The following DMAC2 variants were observed in gnomAD, a reference collection of about 807,000 sequenced individuals.
DMAC2 encodes distal membrane-arm assembly complex protein 2.
In DMAC2, 32 loss-of-function variants were observed where a neutral mutation model predicts 29.6. That is an observed-to-expected ratio of 1.08 (90% CI 0.81 to 1.45). The LOEUF (loss-of-function observed/expected upper bound fraction) is 1.45, where lower values mean the gene tolerates loss of function less well. Ranked by LOEUF, DMAC2 falls within the 40% of genes most tolerant of loss-of-function variation. The probability of loss-of-function intolerance (pLI) is 0.00; values close to 1 mark genes in which losing one functional copy is unlikely to be tolerated. For missense variants in DMAC2, 319 were observed against 340.0 expected (o/e 0.94, Z 0.49); for synonymous variants, 133 against 137.4 (o/e 0.97, Z 0.23).
chr19:41,436,473 C>A lies in DMAC2; in HGVS notation c.216-1G>T. ...TTGCTTCTCCAGCCAGGTGTAAGAT[C>A]TGCAGAGAAAATGGTAGCTAAGGGT... On this transcript the variant is annotated splice_acceptor_variant, in intron 2 of 5. Transcript: ENST00000221943. LOFTEE classifies it high-confidence loss of function. The A allele has an allele frequency of 1.2e-6, 2 of 1,614,054 alleles. No individual in the cohort carries two copies. Among genetic ancestry groups the A allele is most frequent in the Non-Finnish European group, 8.5e-7 (1 of 1,179,976 alleles).
intron 1 of DMAC2, 76 bp downstream of exon 1, chr19:41,439,803 GGCC>G (rs1265535801): frequency 1.1e-5 from 18 of 1,601,712 alleles, no homozygotes. Context: ...CTGCTCTCGT[GGCC>G]GCCAACAGAG....
Position 41,432,748 on chromosome 19 carries a change from G to A in DMAC2, c.597-340C>T, listed in dbSNP as rs1242304430. The A allele has an allele frequency of 5.3e-5, 22 of 419,014 alleles. 1 individual carries two copies. Among genetic ancestry groups the A allele is most frequent in the Admixed American group, 3.1e-4 (8 of 25,398 alleles). 26.0% of individuals were successfully genotyped at this position (419,014 alleles called of 1,614,324 possible). On this transcript the variant is annotated intron_variant, in intron 5 of 5. Coordinates refer to ENST00000221943, the MANE Select transcript of DMAC2 (RefSeq NM_018035.3). ...GTGTGTGTAGGGAGGTACAGACAGC[G>A]TGTGCGTGTGTGTAGGGAGGTACAG...
chr19:41,433,218 G>C, intron 5 of DMAC2, 54 bp downstream of exon 5: 1 of 1,539,724 alleles, frequency 6.5e-7, no homozygotes, highest in South Asian at 1.2e-5. Flanking sequence ...CCTGCATCTG[G>C]GTTAGGTGGG....
At chr19:41,432,777 AGCGTGCGTGTGT>A (rs1422682098) in intron 5 of DMAC2, 57 of 301,792 alleles carry the variant, frequency 1.9e-4, no homozygotes, top group Admixed American at 3.7e-4. Flanking sequence ...GGTACAGGAC[AGCGTGCGTGTGT>A]GTGTGTGTGT....
Position 41,431,852 on chromosome 19 carries a change from A to C in DMAC2, c.*379T>G. 7.4e-6 allele frequency: 2 copies of C among 271,802 alleles called. No individual in the cohort carries two copies. Among genetic ancestry groups the C allele is most frequent in the African/African-American group, 2.2e-5 (1 of 45,388 alleles). The allele number at this position is 271,802 out of a possible 1,614,324, so 16.8% of individuals were successfully genotyped here. ...CTGCACGGGGGAGAACCATCCCTGT[A>C]AAGTGTCAGTAGTAGCCCCTGTGTC... is the stretch of plus-strand genomic sequence containing the variant. On this transcript the variant is annotated 3_prime_UTR_variant, in exon 6 of 6. Transcript: ENST00000221943.
chr19:41,433,412 G>C lies in DMAC2; in HGVS notation c.456C>G (p.Ser152=). ...CGTGGCAGCAGCGCTGCAGCGACAAGGACTGGAGCTCCTTCAGGCGGACTG... is the reference window on the plus strand; with the variant it reads ...CGTGGCAGCAGCGCTGCAGCGACAACGACTGGAGCTCCTTCAGGCGGACTG... ...DNLLRLKELQ[S]LSLQRCCHVD... is the part of the protein sequence containing the mutation. The change falls in exon 5 of 6, where the codon TCC becomes TCG. Residue 152 remains serine, a synonymous_variant. Transcript: ENST00000221943. 1 of 1,613,634 alleles carries C rather than the reference G, an allele frequency of 6.2e-7. No homozygotes were observed.
chr19:41,433,466 G>A, intron 4 of DMAC2, 32 bp from the exon 5 acceptor site: 2 of 1,612,528 alleles, frequency 1.2e-6, no homozygotes, highest in Non-Finnish European at 1.7e-6. Context: ...ATGGCACCAG[G>A]AGCCTTTCTG....
Position 41,438,339 on chromosome 19 carries a change from C to G in DMAC2, c.94G>C (p.Glu32Gln). 1 of 1,614,264 alleles carries G rather than the reference C, an allele frequency of 6.2e-7. No individual in the cohort carries two copies. Among genetic ancestry groups the G allele is most frequent in the Non-Finnish European group, 8.5e-7 (1 of 1,180,044 alleles). ...GTCCTTTTCTTCTTCTGATTGCCCT[C>G]TGGGGCCACTGCCGCACCCAGGCGA... ...IHRLGAAVAP[E>Q]GNQKKKRTIL... Residue 32 changes from glutamate (E) to glutamine (Q), a missense_variant, in exon 2 of 6, where the codon GAG (glutamate) becomes CAG (glutamine). Physicochemically the swap from Glu to Gln is conservative, Grantham distance 29. Coordinates refer to ENST00000221943, the MANE Select transcript of DMAC2 (RefSeq NM_018035.3).
Position 41,439,788 on chromosome 19 carries a change from G to A in DMAC2, c.18+94C>T, listed in dbSNP as rs538519675. On this transcript the variant is annotated intron_variant, in intron 1 of 5. Transcript: ENST00000221943. ...GCCAGGCTTAGCCTGCTGCCTCACG[G>A]CTTTCTGCTCTCGTGGCCGCCAACA... The A allele has an allele frequency of 1.7e-3, 2,653 of 1,589,048 alleles. 5 individuals carry two copies. The highest frequency in any genetic ancestry group is 3.8e-3 in the Middle Eastern group (22 of 5,774).
chr19:41,438,135 T>A, intron 2 of DMAC2, 83 bp downstream of exon 2: 4 of 1,339,384 alleles, frequency 3.0e-6, no homozygotes, highest in Non-Finnish European at 4.2e-6. Flanking sequence ...GAAGCCACAG[T>A]GCTGCCTGGG....
At chr19:41,439,659 T>A (rs1303426830) in intron 1 of DMAC2, 8 of 1,349,424 alleles carry the variant, frequency 5.9e-6, no homozygotes, top group Non-Finnish European at 8.1e-6. Context: ...CTCAGCCAAG[T>A]CCCTGCCTCC....
intron 3 of DMAC2, among the ~76,000 whole-genome samples, chr19:41,434,141 A>G (rs1555770483): frequency 6.6e-6 from 1 of 152,042 alleles, no homozygotes; most frequent in Non-Finnish European, 1.5e-5. Context: ...AGGCTGAGGC[A>G]GGAGAATTGT....
At position 41,438,317 on chromosome 19, in the gene DMAC2, C is replaced by T. The variant is rs2039976621; in HGVS notation, c.116G>A (p.Arg39Lys). The change falls in exon 2 of 6, where the codon AGG (arginine) becomes AAG (lysine). Residue 39 changes from arginine to lysine, a missense_variant. By Grantham distance (26) the Arg-to-Lys change is conservative (BLOSUM62 2). Coordinates refer to ENST00000221943, the MANE Select transcript of DMAC2 (RefSeq NM_018035.3). ...GTTGGTCAGGAACTGGAGTATTGTC[C>T]TTTTCTTCTTCTGATTGCCCTCTGG... ...VAPEGNQKKK[R>K]TILQFLTNYF... 9.3e-6 allele frequency: 15 copies of T among 1,614,114 alleles called. No homozygotes were observed. The East Asian group carries it at 2.7e-4, about 29-fold the overall frequency.
intron 3 of DMAC2, among the ~76,000 whole-genome samples, chr19:41,435,949 C>T (rs372195501): frequency 2.6e-5 from 4 of 151,608 alleles, no homozygotes; most frequent in African/African-American, 9.7e-5. Flanking sequence ...AATCTCAGCT[C>T]ACTGCAACCT....
At position 41,436,485 on chromosome 19, in the gene DMAC2, T is replaced by C; in HGVS notation, c.216-13A>G. ...CCAGGTGTAAGATCTGCAGAGAAAA[T>C]GGTAGCTAAGGGTGAGGCCTGGGGA... On this transcript the variant is annotated splice_polypyrimidine_tract_variant and intron_variant, in intron 2 of 5. Transcript: ENST00000221943. 1 of 1,613,146 alleles carries C rather than the reference T, an allele frequency of 6.2e-7. No homozygotes were observed. The highest frequency in any genetic ancestry group is 8.5e-7 in the Non-Finnish European group (1 of 1,179,432).
At chr19:41,438,527 T>G in intron 1 of DMAC2, 113 bp from the exon 2 acceptor site, 1 of 907,092 alleles carries the variant, frequency 1.1e-6, no homozygotes. Flanking sequence ...CAACTCACCC[T>G]AAGTTCTTCC....
At chr19:41,432,915 G>A in intron 5 of DMAC2, 3 of 523,302 alleles carry the variant, frequency 5.7e-6, no homozygotes, top group South Asian at 3.0e-5. Context: ...TGTGTGTATA[G>A]GGAGGTACTG....
In DMAC2 at chr19:41,431,472, C is replaced by T. The variant is rs564694367; in HGVS notation, c.*759G>A. 7 of 372,672 alleles carry T rather than the reference C, an allele frequency of 1.9e-5. No individual in the cohort carries two copies. The highest frequency in any genetic ancestry group is 2.7e-5 in the Non-Finnish European group (5 of 187,864). The allele number at this position is 372,672 out of a possible 1,614,324, so 23.1% of individuals were successfully genotyped here. On this transcript the variant is annotated 3_prime_UTR_variant, in exon 6 of 6. Coordinates refer to ENST00000221943, the MANE Select transcript of DMAC2 (RefSeq NM_018035.3). ...TCCCAGAGAGGTGCCTCAGTGGAGG[C>T]GCTGTGTCTCCTACGCAACTTCTGA...
intron 5 of DMAC2, chr19:41,432,783 CGTGTGTGTGTGTGTGT>C (rs374254190): frequency 9.9e-6 from 3 of 301,548 alleles, no homozygotes; most frequent in African/African-American, 3.5e-5. Flanking sequence ...GGACAGCGTG[CGTGTGTGTGTGTGTGT>C]GTGTGTGTGT....
Sources: gnomAD v4.1 joint callset for allele counts (sites outside exome capture counted in the v4.1 genomes callset) on GRCh38, gnomAD v4.1.1 for gene constraint, MANE v1.5 for transcripts, NCBI Gene and HGNC (gene_info 2026-07-23, HGNC 2026-07-21) for gene names.